Variants in SLC12A6 observed in about 807,000 individuals in gnomAD.
SLC12A6 encodes the protein K-Cl cotransporter 3.
A neutral mutation model predicts 135.3 loss-of-function variants in SLC12A6; 66 were observed. The ratio of observed to expected loss-of-function variants is 0.49; its 90% CI spans 0.40 to 0.60. The LOEUF (loss-of-function observed/expected upper bound fraction) is 0.60. Among genes scored for constraint, SLC12A6 ranks in the 20% least tolerant of loss-of-function variants. SLC12A6 has a pLI of 0.00. For synonymous variants in SLC12A6, 513 were observed against 508.8 expected, an observed-to-expected ratio of 1.01 and a Z score of -0.11; for missense variants, 1,058 against 1,452.3, an observed-to-expected ratio of 0.73 and a Z score of 4.41.
chr15:34,307,390 T>C (rs1163496061), intron 2 of SLC12A6, among the ~76,000 whole-genome samples: 5 of 152,224 alleles, frequency 3.3e-5, no homozygotes, highest in Admixed American at 6.5e-5. Flanking sequence ...TGTCTCACCC[T>C]CAATACAGGT....
intron 2 of SLC12A6, among the ~76,000 whole-genome samples, chr15:34,291,128 C>T (rs145117772): frequency 8.5e-5 from 13 of 152,254 alleles, no homozygotes; most frequent in Middle Eastern, 3.4e-3. Flanking sequence ...ACCAGTTGTT[C>T]GTATCCACGT....
intron 2 of SLC12A6, among the ~76,000 whole-genome samples, chr15:34,317,238 G>T (rs575000279): frequency 2.0e-4 from 31 of 152,112 alleles, no homozygotes; most frequent in African/African-American, 7.2e-4. Context: ...TATCTCACTA[G>T]AAGGAAAAAA....
intron 2 of SLC12A6, among the ~76,000 whole-genome samples, chr15:34,289,771 G>A (rs1429469319): frequency 2.0e-5 from 3 of 152,106 alleles, no homozygotes; most frequent in Admixed American, 6.6e-5. Context: ...TTACATAGAG[G>A]TGTTTATAGT....
intron 2 of SLC12A6, among the ~76,000 whole-genome samples, chr15:34,286,557 G>A (rs561461681): frequency 2.6e-5 from 4 of 152,032 alleles, no homozygotes; most frequent in East Asian, 2.0e-4. Context: ...CACTTTGGGA[G>A]GTTGAGGTGG....
At chr15:34,249,435 T>C (rs1343220548) in intron 13 of SLC12A6, among the ~76,000 whole-genome samples, 2 of 152,022 alleles carry the variant, frequency 1.3e-5, no homozygotes, top group African/African-American at 4.8e-5. Context: ...GGTGTGGTGG[T>C]ATGCACCTGT....
chr15:34,302,714 G>A (rs1209785007), intron 2 of SLC12A6, among the ~76,000 whole-genome samples: 1 of 151,946 alleles, frequency 6.6e-6, no homozygotes, highest in Non-Finnish European at 1.5e-5. Context: ...ACTTCCGGAG[G>A]TGGAGGTGGG....
At chr15:34,269,857 C>A (rs1893793849) in intron 3 of SLC12A6, among the ~76,000 whole-genome samples, 1 of 152,116 alleles carries the variant, frequency 6.6e-6, no homozygotes, top group African/African-American at 2.4e-5. Flanking sequence ...TCATTGTCAT[C>A]TGGTTGTCTT....
intron 22 of SLC12A6, 159 bp from the exon 23 acceptor site, chr15:34,236,974 G>C: frequency 1.5e-6 from 1 of 656,698 alleles, no homozygotes; most frequent in Non-Finnish European, 2.8e-6. Context: ...CTACATAAAT[G>C]TTTTTGTGAC....
Position 34,238,984 on chromosome 15 carries a change from G to A in SLC12A6, c.2613C>T (p.Arg871=), listed in dbSNP as rs144297460. 1.0e-4 allele frequency: 164 copies of A among 1,614,000 alleles called. 1 individual carries two copies. The African/African-American group carries it at 1.8e-3, about 18-fold the overall frequency. ...PNGWRQSEDA[R]AWKTFIGTVR... ...TAGTACCAATAAAAGTCTTCCAAGC[G>A]CGGGCATCTTCGCTTTGACGCCAGC... The change falls in exon 20 of 26, where the codon CGC becomes CGT. Residue 871 remains arginine (R), a synonymous_variant. Transcript: ENST00000354181.
At chr15:34,280,477 C>G (rs988742544) in intron 2 of SLC12A6, among the ~76,000 whole-genome samples, 4 of 152,142 alleles carry the variant, frequency 2.6e-5, no homozygotes, top group African/African-American at 9.7e-5. Flanking sequence ...TTTCTTAACT[C>G]CCAGTTTTTA....
rs750940125 is a variant in SLC12A6, at chr15:34,245,858, A to G, written c.1659T>C (p.Asp553=). The G allele has an allele frequency of 1.2e-5, 20 of 1,611,386 alleles. 1 individual carries two copies. In the South Asian group the frequency reaches 2.1e-4, roughly 17 times the overall value. ...EGVVLRDKFG[D]AVKGNLVVGT... ...CTACCACCAAATTACCTTTCACAGC[A>G]TCACCGAACCTGGGAAAGAAATAGG... Residue 553 remains aspartate (D), a synonymous_variant, in exon 14 of 26, where the codon GAT becomes GAC. Coordinates refer to ENST00000354181, the MANE Select transcript of SLC12A6 (RefSeq NM_001365088.1).
chr15:34,336,308 A>C, intron 2 of SLC12A6, 102 bp downstream of exon 2: 1 of 975,782 alleles, frequency 1.0e-6, no homozygotes, highest in Non-Finnish European at 1.6e-6. Flanking sequence ...GATGACTATT[A>C]TAATCATAAT....
rs756589322 is a variant in SLC12A6 at position 34,260,972 on chromosome 15, T to G, written c.365A>C (p.Tyr122Ser). 3.8e-6 allele frequency: 6 copies of G among 1,576,780 alleles called. No homozygotes were observed. The highest frequency in any genetic ancestry group is 8.7e-7 in the Non-Finnish European group (1 of 1,146,190). Residue 122 changes from tyrosine (Y) to serine (S), a missense_variant, in exon 4 of 26, where the codon TAT becomes TCT. Coordinates refer to ENST00000354181, the MANE Select transcript of SLC12A6 (RefSeq NM_001365088.1). The stretch of plus-strand genomic sequence containing the variant: ...ATCAAAATATTCATCTCCTTCTTCA[T>G]AATTGGAATTATTGAGATAAGCATT... ...ARNAYLNNSN[Y>S]EEGDEYFDKN... is the part of the protein sequence containing the mutation.
chr15:34,331,346 G>A (rs564062838), intron 2 of SLC12A6, among the ~76,000 whole-genome samples: 25 of 152,254 alleles, frequency 1.6e-4, no homozygotes, highest in African/African-American at 5.5e-4. Flanking sequence ...TCACCATGTT[G>A]GCCAGGCTGG....
Position 34,331,600 on chromosome 15 carries a change from G to A in SLC12A6, c.271+4810C>T, listed in dbSNP as rs1248215475. Among the ~76,000 whole-genome samples the A allele has an allele frequency of 2.0e-5, 3 of 152,068 alleles. No homozygotes were observed. In the East Asian group the frequency reaches 5.8e-4, roughly 29 times the overall value. ...ATCTTCAACTCAATGTATATTTATG[G>A]TGTACAAGTTATATGTGATATCACA... On this transcript the variant is annotated intron_variant, in intron 2 of 25. Coordinates refer to ENST00000354181, the MANE Select transcript of SLC12A6 (RefSeq NM_001365088.1).
At chr15:34,336,921 C>T in intron 1 of SLC12A6, 169 bp from the exon 2 acceptor site, 1 of 562,612 alleles carries the variant, frequency 1.8e-6, no homozygotes, top group Non-Finnish European at 3.2e-6. Context: ...AAACAAAAAA[C>T]AAAAAGACAA....
intron 3 of SLC12A6, among the ~76,000 whole-genome samples, chr15:34,273,413 T>A (rs978497496): frequency 6.6e-6 from 1 of 152,140 alleles, no homozygotes; most frequent in Non-Finnish European, 1.5e-5. Flanking sequence ...ACCTTGGTGA[T>A]CAGATTTGTA....
intron 2 of SLC12A6, among the ~76,000 whole-genome samples, chr15:34,279,073 T>C (rs1031408996): frequency 1.8e-4 from 27 of 151,760 alleles, no homozygotes; most frequent in African/African-American, 5.1e-4. Flanking sequence ...TCCCAGCACT[T>C]TGGGAAGCTG....
chr15:34,330,899 GGGTGTAGT>G (rs1889794306), intron 2 of SLC12A6, among the ~76,000 whole-genome samples: 1 of 151,984 alleles, frequency 6.6e-6, no homozygotes, highest in Admixed American at 6.6e-5. Context: ...AAAATTAGCT[GGGTGTAGT>G]GGCACGTGCC....
Sources: allele counts gnomAD v4.1 joint callset (sites outside exome capture counted in the v4.1 genomes callset), GRCh38; gene constraint gnomAD v4.1.1; transcripts MANE v1.5; gene names NCBI Gene and HGNC (gene_info 2026-07-23, HGNC 2026-07-21).